Variants in D2HGDH observed in about 807,000 individuals in gnomAD.
D2HGDH encodes D-2-hydroxyglutarate dehydrogenase, mitochondrial.
A neutral mutation model predicts 46.9 loss-of-function variants in D2HGDH; 31 were observed. The ratio of observed to expected loss-of-function variants is 0.66; its 90% CI spans 0.50 to 0.89. D2HGDH has a LOEUF of 0.89. D2HGDH is among the 40% of genes least tolerant of loss of function. D2HGDH has a pLI of 0.00. For synonymous variants in D2HGDH, 364 were observed against 332.6 expected, an observed-to-expected ratio of 1.09 and a Z score of -1.03; for missense variants, 698 against 720.8, an observed-to-expected ratio of 0.97 and a Z score of 0.36.
chr2:241,738,626 C>T (rs1693581694), intron 2 of D2HGDH, among the ~76,000 whole-genome samples: 1 of 152,212 alleles, frequency 6.6e-6, no homozygotes, highest in South Asian at 2.1e-4. Flanking sequence ...CTGAGCCTGA[C>T]TGGGCAAGAA....
chr2:241,735,220 C>A lies in D2HGDH; in HGVS notation c.-5C>A. On this transcript the variant is annotated 5_prime_UTR_variant, in exon 2 of 10. Transcript: ENST00000321264. ...GAGGAGCCCGAGGTCTCCGTCCCGG[C>A]GGCGATGCTGCCCCGTCGGCCTCTG... 1 of 1,508,214 alleles carries A rather than the reference C, an allele frequency of 6.6e-7. No individual in the cohort carries two copies. The highest frequency in any genetic ancestry group is 8.8e-7 in the Non-Finnish European group (1 of 1,136,788). 93.4% of individuals were successfully genotyped at this position (1,508,214 alleles called of 1,614,324 possible).
intron 9 of D2HGDH, among the ~76,000 whole-genome samples, chr2:241,761,761 G>A (rs191487007): frequency 1.1e-4 from 17 of 152,156 alleles, no homozygotes; most frequent in African/African-American, 2.9e-4. Flanking sequence ...CTGATTCTGC[G>A]TAGCCAGTTT....
At chr2:241,764,188 G>T (rs1285083362) in intron 9 of D2HGDH, among the ~76,000 whole-genome samples, 3 of 152,146 alleles carry the variant, frequency 2.0e-5, no homozygotes, top group Non-Finnish European at 4.4e-5. Flanking sequence ...TGTGGGAGGG[G>T]CGGGGACTGG....
rs6756187 is a variant in D2HGDH, at chr2:241,742,986, A to G, written c.490+412A>G. Among the ~76,000 whole-genome samples, 6,106 of 42,276 alleles carry G rather than the reference A, an allele frequency of 0.14. 348 individuals are homozygous for G. Among genetic ancestry groups the G allele is most frequent in the African/African-American group, 0.29 (1,312 of 4,560 alleles). The allele number at this position is 42,276 out of a possible 152,430, so 27.7% of individuals were successfully genotyped here. On this transcript the variant is annotated intron_variant, in intron 4 of 9. Coordinates refer to ENST00000321264, the MANE Select transcript of D2HGDH (RefSeq NM_152783.5). This position sits in a 1 kb window ranked among gnomAD's most constrained non-coding sequence, Gnocchi z 4.8. Reference sequence around the variant, plus strand: ...AGGGGATCCTGACCCAGGGCGCCAGAGCGTGGCAGGCATGAGGGGATCCTG... The same window carrying G: ...AGGGGATCCTGACCCAGGGCGCCAGGGCGTGGCAGGCATGAGGGGATCCTG...
intron 8 of D2HGDH, among the ~76,000 whole-genome samples, chr2:241,752,851 C>A (rs1697490879): frequency 7.2e-6 from 1 of 138,334 alleles, no homozygotes; most frequent in East Asian, 2.1e-4. Context: ...GCCCCCAACA[C>A]CCCCAACCTC....
chr2:241,739,322 G>A (rs1559346950), intron 2 of D2HGDH, among the ~76,000 whole-genome samples: 2 of 152,234 alleles, frequency 1.3e-5, no homozygotes, highest in Non-Finnish European at 1.5e-5. Flanking sequence ...TGTCCGAGTC[G>A]AAAGCTTTGC....
chr2:241,760,876 A>C (rs2125168772), intron 9 of D2HGDH, among the ~76,000 whole-genome samples: 1 of 152,380 alleles, frequency 6.6e-6, no homozygotes, highest in Non-Finnish European at 1.5e-5. Context: ...TCAGTTCATT[A>C]AAATCAGTGT....
chr2:241,760,574 C>T (rs1698696449), intron 9 of D2HGDH, among the ~76,000 whole-genome samples: 1 of 151,918 alleles, frequency 6.6e-6, no homozygotes, highest in African/African-American at 2.4e-5. Context: ...GTGGGCCTTG[C>T]CCAATCAGTC....
intron 8 of D2HGDH, chr2:241,755,111 T>C (rs1460664376): frequency 1.2e-5 from 15 of 1,303,972 alleles, no homozygotes; most frequent in Non-Finnish European, 1.5e-5. Flanking sequence ...GTCTGAGCCC[T>C]AGGATTTGGC....
At position 241,767,789 on chromosome 2, in the gene D2HGDH, C is replaced by T. The variant is rs201294258; in HGVS notation, c.1386C>T (p.Tyr462=). The change falls in exon 10 of 10, where the codon TAC becomes TAT. Residue 462 remains tyrosine (Y), a synonymous_variant. Coordinates refer to ENST00000321264, the MANE Select transcript of D2HGDH (RefSeq NM_152783.5). ...TGGCTGCCCTGGAGCCCCACGTGTA[C>T]GAGTGGACGGCCGGGCAGCAGGGCA... The part of the protein sequence containing the change: ...SLLAALEPHV[Y]EWTAGQQGSV... 6.0e-4 allele frequency: 973 copies of T among 1,612,304 alleles called. 8 individuals are homozygous for T. The East Asian group carries it at 0.015, about 26-fold the overall frequency.
Position 241,743,863 on chromosome 2 carries a change from C to G in D2HGDH, c.684+48C>G, listed in dbSNP as rs1695164851. 7 of 1,544,870 alleles carry G rather than the reference C, an allele frequency of 4.5e-6. No homozygotes were observed. The highest frequency in any genetic ancestry group is 1.2e-5 in the South Asian group (1 of 84,238). On this transcript the variant is annotated intron_variant, in intron 5 of 9. Coordinates refer to ENST00000321264, the MANE Select transcript of D2HGDH (RefSeq NM_152783.5). The surrounding 1 kb of genome is among the most constrained non-coding windows in gnomAD (Gnocchi z 4.8). ...TGCAGAGGTCGCCACGGGGTGTCCT[C>G]TCACGGCTCTCATGGGCCCACGTGG... is the stretch of plus-strand genomic sequence containing the variant.
chr2:241,762,749 C>T (rs1698944281), intron 9 of D2HGDH, among the ~76,000 whole-genome samples: 1 of 152,164 alleles, frequency 6.6e-6, no homozygotes. Context: ...GTCCACAGGC[C>T]AGCCATGATG....
At chr2:241,755,277 C>T (rs1697985525) in intron 8 of D2HGDH, 4 of 1,294,932 alleles carry the variant, frequency 3.1e-6, no homozygotes, top group Non-Finnish European at 4.1e-6. Context: ...CCCTGTGGCC[C>T]ACCCGCCATG....
chr2:241,762,659 C>G (rs1025210379), intron 9 of D2HGDH, among the ~76,000 whole-genome samples: 6 of 152,278 alleles, frequency 3.9e-5, no homozygotes, highest in African/African-American at 1.4e-4. Flanking sequence ...TCCCGCCTCT[C>G]AGGTTTGGAT....
Position 241,743,708 on chromosome 2 carries a change from G to A in D2HGDH, c.577G>A (p.Gly193Arg). ...GGACTTCATCATGCCGCTGGACTTA[G>A]GAGCCAAGGGCAGCTGCCACATCGG... Reference protein sequence around the residue: ...ERDFIMPLDLGAKGSCHIGGN... With the variant: ...ERDFIMPLDLRAKGSCHIGGN... Residue 193 changes from glycine (G) to arginine (R), a missense_variant, in exon 5 of 10, where the codon GGA becomes AGA. By Grantham distance (125) the Gly-to-Arg change is moderately radical. Transcript: ENST00000321264. The surrounding 1 kb of genome is among the most constrained non-coding windows in gnomAD (Gnocchi z 4.8). 3 of 1,613,884 alleles carry A rather than the reference G, an allele frequency of 1.9e-6. No homozygotes were observed. The highest frequency in any genetic ancestry group is 2.5e-6 in the Non-Finnish European group (3 of 1,179,956).
chr2:241,735,427 C>T lies in D2HGDH; in HGVS notation c.203C>T (p.Ala68Val), dbSNP rs1335923718. 2 of 1,608,082 alleles carry T rather than the reference C, an allele frequency of 1.2e-6. No homozygotes were observed. Among genetic ancestry groups the T allele is most frequent in the Admixed American group, 1.7e-5 (1 of 59,448 alleles). Residue 68 changes from alanine (A) to valine (V), a missense_variant, in exon 2 of 10, where the codon GCC (alanine) becomes GTC (valine). Transcript: ENST00000321264. ...TCCACGGTGTCTAAGCAGGACCTGG[C>T]CGCCTTTGAGCGCATCGTGCCCGGC... ...PFSTVSKQDL[A>V]AFERIVPGGV...
In D2HGDH at chr2:241,742,484, G is replaced by A; in HGVS notation, c.400G>A (p.Gly134Ser). Residue 134 changes from glycine (G) to serine (S), a missense_variant, in exon 4 of 10, where the codon GGC becomes AGC. Physicochemically the swap from Gly to Ser is moderately conservative, Grantham distance 56 (BLOSUM62 0). Transcript: ENST00000321264. The surrounding 1 kb of genome is among the most constrained non-coding windows in gnomAD (Gnocchi z 4.8). ...CGTGAACCCACAGGGGGGCAACACA[G>A]GCATGGTGGGTGGCAGCGTCCCCGT... Reference protein sequence around the residue: ...LAVNPQGGNTGMVGGSVPVFD... With the variant: ...LAVNPQGGNTSMVGGSVPVFD... The A allele has an allele frequency of 6.2e-7, 1 of 1,614,018 alleles. No individual in the cohort carries two copies. The highest frequency in any genetic ancestry group is 1.1e-5 in the South Asian group (1 of 91,060).
At chr2:241,759,468 G>A (rs1698535433) in intron 9 of D2HGDH, among the ~76,000 whole-genome samples, 1 of 152,144 alleles carries the variant, frequency 6.6e-6, no homozygotes, top group African/African-American at 2.4e-5. Flanking sequence ...ACACAGTGAT[G>A]CTAACTTTCT....
At position 241,768,062 on chromosome 2, in the gene D2HGDH, T is replaced by C. The variant is rs11552660; in HGVS notation, c.*93T>C. On this transcript the variant is annotated 3_prime_UTR_variant, in exon 10 of 10. Transcript: ENST00000321264. The stretch of plus-strand genomic sequence containing the variant: ...GTGGCTCTGAGGGATGAGCCGGCAG[T>C]GGGCAGGGGACCAGGCACCTGGTTG... The C allele has an allele frequency of 0.13, 189,077 of 1,466,488 alleles. 13,468 individuals carry two copies. The highest frequency in any genetic ancestry group is 0.15 in the Middle Eastern group (610 of 4,062). 90.8% of individuals were successfully genotyped at this position (1,466,488 alleles called of 1,614,324 possible).
Sources: allele counts gnomAD v4.1 joint callset (sites outside exome capture counted in the v4.1 genomes callset), GRCh38; gene constraint gnomAD v4.1.1; non-coding constraint Gnocchi (gnomAD v3.1); transcripts MANE v1.5; gene names NCBI Gene and HGNC (gene_info 2026-07-23, HGNC 2026-07-21).